The following SNX29 variants were observed in gnomAD, a reference collection of about 807,000 sequenced individuals.
SNX29 encodes sorting nexin 29, also known as sorting nexin-29.
SNX29 carries 78 observed loss-of-function variants against 102.1 expected under a neutral mutation model. That is an observed-to-expected ratio of 0.76 (90% CI 0.64 to 0.92). The LOEUF is 0.92. Among genes scored for constraint, SNX29 ranks in the 40% least tolerant of loss-of-function variants. SNX29 has a pLI of 0.00. For synonymous variants in SNX29, 580 were observed against 414.5 expected (o/e 1.40, Z -4.85); for missense variants, 1,280 against 1,061.7 (o/e 1.21, Z -2.86).
chr16:12,181,540 C>T (rs559990835), intron 13 of SNX29, among the ~76,000 whole-genome samples: 2 of 152,154 alleles, frequency 1.3e-5, no homozygotes, highest in Non-Finnish European at 2.9e-5. Flanking sequence ...GCAGGTTTGC[C>T]CTAAGCAGTT....
intron 15 of SNX29, among the ~76,000 whole-genome samples, chr16:12,302,573 G>A (rs2080210839): frequency 6.6e-6 from 1 of 152,144 alleles, no homozygotes; most frequent in South Asian, 2.1e-4. Context: ...GGGTCTCTGG[G>A]GCCTTTTTTA....
At chr16:12,057,842 G>C (rs1218605818) in intron 8 of SNX29, among the ~76,000 whole-genome samples, 3 of 149,746 alleles carry the variant, frequency 2.0e-5, no homozygotes, top group Admixed American at 2.0e-4. Context: ...TTTTGAGCTG[G>C]GTTCTCGCTC....
chr16:12,526,304 T>C (rs1186756146), intron 20 of SNX29, among the ~76,000 whole-genome samples: 2 of 152,080 alleles, frequency 1.3e-5, no homozygotes, highest in East Asian at 1.9e-4. Flanking sequence ...TGGGGTGTGC[T>C]CCTGTCTGTG....
At chr16:12,057,025 G>A (rs1004878313) in intron 8 of SNX29, among the ~76,000 whole-genome samples, 15 of 152,086 alleles carry the variant, frequency 9.9e-5, no homozygotes, top group African/African-American at 3.6e-4. Context: ...CATTGCTCAG[G>A]TTGGTCTTGA....
At chr16:12,526,610 T>G (rs960663022) in intron 20 of SNX29, 4 of 533,092 alleles carry the variant, frequency 7.5e-6, no homozygotes, top group African/African-American at 3.7e-5. Context: ...TCTCATCCTC[T>G]TAGCGGCATC....
At chr16:12,407,473 C>T (rs1024659107) in intron 18 of SNX29, among the ~76,000 whole-genome samples, 1 of 152,108 alleles carries the variant, frequency 6.6e-6, no homozygotes, top group Non-Finnish European at 1.5e-5. Flanking sequence ...AAGAAAGCTA[C>T]TAAATAAACA....
intron 12 of SNX29, among the ~76,000 whole-genome samples, chr16:12,128,391 G>A (rs1386557637): frequency 6.6e-6 from 1 of 151,804 alleles, no homozygotes; most frequent in Non-Finnish European, 1.5e-5. Flanking sequence ...AGGAACACAA[G>A]TCTTGGAGAT....
chr16:12,412,866 C>G (rs923812372), intron 18 of SNX29, among the ~76,000 whole-genome samples: 2 of 152,200 alleles, frequency 1.3e-5, no homozygotes, highest in African/African-American at 4.8e-5. Context: ...ATCATACTCT[C>G]AGTAGCAAAC....
In SNX29 at chr16:12,004,209, C is replaced by T. The variant is rs192451526; in HGVS notation, c.122+1166C>T. On this transcript the variant is annotated intron_variant, in intron 3 of 20. Transcript: ENST00000566228. ...ACAAAAAATTAGCCAGGCACGGTGG[C>T]GGGTGCCTGTAATCCCAGCTACTTG... Among the ~76,000 whole-genome samples, 793 of 151,226 alleles carry T rather than the reference C, an allele frequency of 5.2e-3. 6 individuals carry two copies. Among genetic ancestry groups the T allele is most frequent in the Non-Finnish European group, 8.0e-3 (545 of 67,888 alleles).
intron 11 of SNX29, among the ~76,000 whole-genome samples, chr16:12,121,144 C>T (rs779676664): frequency 6.6e-5 from 10 of 152,348 alleles, no homozygotes; most frequent in African/African-American, 1.9e-4. Flanking sequence ...ACTGGGGCCC[C>T]GGTACTCAAG....
chr16:12,549,611 C>G (rs1047736390), intron 20 of SNX29, among the ~76,000 whole-genome samples: 2 of 152,208 alleles, frequency 1.3e-5, no homozygotes, highest in African/African-American at 4.8e-5. Flanking sequence ...CTCCAGAGTC[C>G]TTGCCCTCCA....
At chr16:12,145,364 A>G (rs1489806772) in intron 13 of SNX29, among the ~76,000 whole-genome samples, 1 of 152,164 alleles carries the variant, frequency 6.6e-6, no homozygotes, top group South Asian at 2.1e-4. Context: ...GTGTACATGC[A>G]ATTTACATTC....
intron 15 of SNX29, among the ~76,000 whole-genome samples, chr16:12,285,363 C>T (rs911644295): frequency 4.6e-5 from 7 of 152,182 alleles, no homozygotes; most frequent in African/African-American, 1.7e-4. Context: ...TTCCATATGG[C>T]AGGGCTCAGC....
chr16:11,998,018 T>C (rs1380613850), intron 1 of SNX29, among the ~76,000 whole-genome samples: 1 of 152,180 alleles, frequency 6.6e-6, no homozygotes, highest in African/African-American at 2.4e-5. Flanking sequence ...CTTAGCTTGG[T>C]TCCTGGCATG....
chr16:12,385,497 G>GTTGT (rs2083310280), intron 16 of SNX29, among the ~76,000 whole-genome samples: 1 of 152,204 alleles, frequency 6.6e-6, no homozygotes, highest in South Asian at 2.1e-4. Flanking sequence ...GCAGGGAGAA[G>GTTGT]TGAAGGAAGG....
intron 15 of SNX29, among the ~76,000 whole-genome samples, chr16:12,295,527 G>A (rs1241051454): frequency 1.3e-5 from 2 of 152,200 alleles, no homozygotes; most frequent in East Asian, 3.8e-4. Flanking sequence ...TTTTACCTCT[G>A]GAACCGGTGG....
chr16:12,109,439 C>T (rs546618865), intron 11 of SNX29, among the ~76,000 whole-genome samples: 1 of 152,260 alleles, frequency 6.6e-6, no homozygotes, highest in Admixed American at 6.5e-5. Context: ...TTGCCAAGCT[C>T]TCATGACACA....
chr16:12,568,480 A>T (rs1421945090), intron 20 of SNX29, 26 bp from the exon 21 acceptor site: 2 of 1,606,954 alleles, frequency 1.2e-6, no homozygotes, highest in Non-Finnish European at 8.5e-7. Flanking sequence ...CCCAGACTTA[A>T]CCCGATTCTC....
intron 15 of SNX29, among the ~76,000 whole-genome samples, chr16:12,307,605 A>T (rs1347374147): frequency 1.3e-5 from 2 of 152,188 alleles, no homozygotes; most frequent in African/African-American, 4.8e-5. Context: ...GGCCAAGAAG[A>T]GGGGAGAAGT....
Sources: gnomAD v4.1 joint callset for allele counts (sites outside exome capture counted in the v4.1 genomes callset) on GRCh38, gnomAD v4.1.1 for gene constraint, MANE v1.5 for transcripts, NCBI Gene and HGNC (gene_info 2026-07-23, HGNC 2026-07-21) for gene names.